The following SORCS3 variants were observed in gnomAD, a reference collection of about 807,000 sequenced individuals.
SORCS3 encodes sortilin related VPS10 domain containing receptor 3.
A neutral mutation model predicts 146.3 loss-of-function variants in SORCS3; 57 were observed. The observed-to-expected ratio is 0.39, with a 90% CI of 0.31 to 0.49. SORCS3 has a LOEUF of 0.49. SORCS3 is among the 20% of genes least tolerant of loss of function. The pLI, the probability that SORCS3 is intolerant of heterozygous loss-of-function variation, is 0.92. For synonymous variants in SORCS3, 653 were observed against 618.5 expected, an observed-to-expected ratio of 1.06 and a Z score of -0.83; for missense variants, 1,341 against 1,575.5, an observed-to-expected ratio of 0.85 and a Z score of 2.52.
At chr10:105,073,293 G>T (rs2055569223) in intron 5 of SORCS3, among the ~76,000 whole-genome samples, 1 of 152,058 alleles carries the variant, frequency 6.6e-6, no homozygotes, top group Non-Finnish European at 1.5e-5. Context: ...ATCTTGCAGG[G>T]GGATTTGGAT....
rs779842197 is a variant in SORCS3, at chr10:105,089,825, G to A, written c.1079G>A (p.Arg360Gln). ...KEADLVHMEV[R>Q]TTDGYAHYLT... The stretch of plus-strand genomic sequence containing the variant: ...GCGGACCTGGTGCACATGGAGGTGC[G>A]GACCACGGATGGATGTGAGTTCTGC... The change falls in exon 6 of 27, where the codon CGG (arginine) becomes CAG (glutamine). Residue 360 changes from arginine (R) to glutamine (Q), a missense_variant. Transcript: ENST00000369701. 6.2e-6 allele frequency: 10 copies of A among 1,613,918 alleles called. No individual in the cohort carries two copies. Among genetic ancestry groups the A allele is most frequent in the East Asian group, 2.2e-5 (1 of 44,862 alleles).
intron 5 of SORCS3, among the ~76,000 whole-genome samples, chr10:105,054,573 T>C (rs1046847995): frequency 1.8e-4 from 27 of 151,934 alleles, no homozygotes; most frequent in African/African-American, 5.8e-4. Context: ...AGGATTTCTT[T>C]TTTTTTTTTA....
At chr10:104,758,584 C>G (rs577425043) in intron 1 of SORCS3, among the ~76,000 whole-genome samples, 1 of 152,148 alleles carries the variant, frequency 6.6e-6, no homozygotes, top group African/African-American at 2.4e-5. Context: ...CTCCAAGATC[C>G]CGGGCCTTTG....
intron 1 of SORCS3, among the ~76,000 whole-genome samples, chr10:104,648,482 T>C (rs983388081): frequency 7.9e-5 from 12 of 152,160 alleles, no homozygotes; most frequent in Non-Finnish European, 4.4e-5. Context: ...CGTATGAGGC[T>C]AGTTAGAGAG....
chr10:104,716,238 A>G (rs1345691691), intron 1 of SORCS3, among the ~76,000 whole-genome samples: 1 of 152,182 alleles, frequency 6.6e-6, no homozygotes, highest in East Asian at 1.9e-4. Context: ...ACTAGAATAT[A>G]AGATACACGA....
chr10:104,873,466 C>T (rs908435888), intron 2 of SORCS3, among the ~76,000 whole-genome samples: 7 of 152,166 alleles, frequency 4.6e-5, no homozygotes, highest in African/African-American at 1.4e-4. Context: ...GAGCTGACTA[C>T]CTTCAGAAGA....
At chr10:105,036,199 C>T (rs2055305061) in intron 4 of SORCS3, among the ~76,000 whole-genome samples, 1 of 141,622 alleles carries the variant, frequency 7.1e-6, no homozygotes, top group South Asian at 2.1e-4. Context: ...TGGGGAAGGA[C>T]ATATCCTTCA....
intron 1 of SORCS3, among the ~76,000 whole-genome samples, chr10:104,774,653 T>C (rs1029449331): frequency 1.3e-5 from 2 of 152,154 alleles, no homozygotes; most frequent in African/African-American, 4.8e-5. Context: ...TTCTGAGGGC[T>C]GCAGGTAGTG....
intron 1 of SORCS3, among the ~76,000 whole-genome samples, chr10:104,735,456 G>GTTGTTTTT (rs2016757341): frequency 2.9e-5 from 1 of 34,994 alleles, no homozygotes; most frequent in Non-Finnish European, 4.8e-5. Flanking sequence ...CTCACCGTCT[G>GTTGTTTTT]TTTTTTTTTT....
chr10:104,858,229 A>G (rs2018356199), intron 2 of SORCS3, among the ~76,000 whole-genome samples: 1 of 152,206 alleles, frequency 6.6e-6, no homozygotes, highest in Non-Finnish European at 1.5e-5. Context: ...TCCATTCAAA[A>G]TCATTGTTAT....
rs533989175 is a variant in SORCS3, at chr10:105,083,373, C to G, written c.1029-6402C>G. ...CCTGAGGCTAGTTCTGCACTGAATA[C>G]TGCTCATGGCCTTCTGGTCTATCCT... On this transcript the variant is annotated intron_variant, in intron 5 of 26. Coordinates refer to ENST00000369701, the MANE Select transcript of SORCS3 (RefSeq NM_014978.3). Among the ~76,000 whole-genome samples, 4 of 152,160 alleles carry G rather than the reference C, an allele frequency of 2.6e-5. No homozygotes were observed. The South Asian group carries it at 8.3e-4, about 32-fold the overall frequency.
intron 1 of SORCS3, among the ~76,000 whole-genome samples, chr10:104,799,860 T>C (rs2017604476): frequency 6.6e-6 from 1 of 152,044 alleles, no homozygotes; most frequent in Non-Finnish European, 1.5e-5. Flanking sequence ...GTATTTTTAG[T>C]AGAGGCGAGG....
chr10:105,084,726 G>T (rs945023906), intron 5 of SORCS3, among the ~76,000 whole-genome samples: 5 of 145,696 alleles, frequency 3.4e-5, no homozygotes, highest in Non-Finnish European at 6.0e-5. Flanking sequence ...AGGCAGTGCT[G>T]CTTCTTCTTT....
rs114491949 is a variant in SORCS3, at chr10:105,044,675, A to G, written c.1028+1547A>G. ...ATGAAGATTGCCTAAGCATTCTATG[A>G]AAAATCAACTGTTTTTTTTTTTGTT... On this transcript the variant is annotated intron_variant, in intron 5 of 26. Coordinates refer to ENST00000369701, the MANE Select transcript of SORCS3 (RefSeq NM_014978.3). Among the ~76,000 whole-genome samples the G allele has an allele frequency of 5.9e-3, 894 of 150,748 alleles. 13 individuals carry two copies. The highest frequency in any genetic ancestry group is 0.021 in the African/African-American group (856 of 40,348).
chr10:104,871,138 T>A (rs2018514815), intron 2 of SORCS3, among the ~76,000 whole-genome samples: 1 of 152,206 alleles, frequency 6.6e-6, no homozygotes, highest in Non-Finnish European at 1.5e-5. Context: ...CAGTGTGTCA[T>A]ACACTATCTG....
chr10:105,054,624 G>A (rs2055434668), intron 5 of SORCS3, among the ~76,000 whole-genome samples: 1 of 147,700 alleles, frequency 6.8e-6, no homozygotes, highest in Non-Finnish European at 1.5e-5. Context: ...ACTTAATTCT[G>A]TGCCCATATT....
At chr10:104,848,628 G>A (rs913826903) in intron 2 of SORCS3, among the ~76,000 whole-genome samples, 2 of 152,144 alleles carry the variant, frequency 1.3e-5, no homozygotes, top group South Asian at 2.1e-4. Context: ...GTGAGGTCCC[G>A]AAGGCTGGGC....
At chr10:104,667,348 C>T (rs1488165706) in intron 1 of SORCS3, among the ~76,000 whole-genome samples, 3 of 152,174 alleles carry the variant, frequency 2.0e-5, no homozygotes, top group Admixed American at 2.0e-4. Flanking sequence ...CTTCTCCCTT[C>T]TCCTGAGATC....
chr10:104,996,756 G>A (rs759168385), intron 4 of SORCS3, among the ~76,000 whole-genome samples: 1 of 152,234 alleles, frequency 6.6e-6, no homozygotes. Flanking sequence ...TACTTAATGT[G>A]TGAGAAAGCA....
Sources: gnomAD v4.1 joint callset for allele counts (sites outside exome capture counted in the v4.1 genomes callset) on GRCh38, gnomAD v4.1.1 for gene constraint, MANE v1.5 for transcripts, NCBI Gene and HGNC (gene_info 2026-07-23, HGNC 2026-07-21) for gene names.